The following SRGAP2C variants were observed in gnomAD, a reference collection of about 807,000 sequenced individuals.
The protein encoded by SRGAP2C is SLIT-ROBO Rho GTPase activating protein 2C.
In SRGAP2C, 15 loss-of-function variants were observed where a neutral mutation model predicts 25.1. The observed-to-expected ratio is 0.60, with a 90% CI of 0.40 to 0.92. The LOEUF (loss-of-function observed/expected upper bound fraction) is 0.92. SRGAP2C is among the 40% of genes least tolerant of loss of function. The pLI is 0.00. For missense variants in SRGAP2C, 144 were observed against 264.4 expected, an observed-to-expected ratio of 0.54 and a Z score of 3.16; for synonymous variants, 44 against 96.6, an observed-to-expected ratio of 0.46 and a Z score of 3.19.
At chr1:121,355,305 C>CTTT (rs1203362201) in intron 4 of SRGAP2C, among the ~76,000 whole-genome samples, 4 of 37,314 alleles carry the variant, frequency 1.1e-4, no homozygotes, top group Non-Finnish European at 1.8e-4. Flanking sequence ...GATACACATT[C>CTTT]TTTTTTTTTT....
At chr1:121,192,110 A>G (rs1654701905) in intron 2 of SRGAP2C, among the ~76,000 whole-genome samples, 1 of 151,860 alleles carries the variant, frequency 6.6e-6, no homozygotes, top group Non-Finnish European at 1.5e-5. Context: ...GGGAATGTTG[A>G]TGGCTGGTAT....
intron 2 of SRGAP2C, among the ~76,000 whole-genome samples, chr1:121,225,586 T>C (rs1354611312): frequency 9.0e-6 from 1 of 110,626 alleles, no homozygotes; most frequent in Non-Finnish European, 1.8e-5. Flanking sequence ...GGATCTCTTT[T>C]GTCACTGCCA....
At chr1:121,287,549 A>T (rs1171357091) in intron 3 of SRGAP2C, among the ~76,000 whole-genome samples, 1 of 151,696 alleles carries the variant, frequency 6.6e-6, no homozygotes, top group African/African-American at 2.4e-5. Flanking sequence ...AATTTAAAAT[A>T]GCATTTGATT....
chr1:121,271,357 A>G (rs1372982618), intron 2 of SRGAP2C, among the ~76,000 whole-genome samples: 7 of 147,604 alleles, frequency 4.7e-5, no homozygotes, highest in Non-Finnish European at 1.1e-4. Context: ...GGCAACAGTA[A>G]CATGAGTTGC....
At chr1:121,261,015 A>C in intron 2 of SRGAP2C, among the ~76,000 whole-genome samples, 1 of 93,960 alleles carries the variant, frequency 1.1e-5, no homozygotes, top group Non-Finnish European at 2.1e-5. Context: ...TGCAGCCTTG[A>C]CCTCCTGGGC....
chr1:121,356,835 AG>A (rs1236571952), intron 4 of SRGAP2C, among the ~76,000 whole-genome samples: 2 of 151,578 alleles, frequency 1.3e-5, no homozygotes, highest in Non-Finnish European at 2.9e-5. Flanking sequence ...GTCTGTTTTA[AG>A]GGATGTTGTT....
intron 5 of SRGAP2C, among the ~76,000 whole-genome samples, chr1:121,369,494 T>C (rs1212544593): frequency 6.6e-6 from 1 of 151,960 alleles, no homozygotes; most frequent in African/African-American, 2.4e-5. Flanking sequence ...TATGCTTCTG[T>C]ACTCCCCCTA....
At position 121,221,420 on chromosome 1, in the gene SRGAP2C, A is replaced by G. The variant is rs1342779011; in HGVS notation, c.67+33907A>G. Among the ~76,000 whole-genome samples, 2 of 77,266 alleles carry G rather than the reference A, an allele frequency of 2.6e-5. 1 individual carries two copies. The highest frequency in any genetic ancestry group is 5.0e-5 in the Non-Finnish European group (2 of 40,076). The allele number at this position is 77,266 out of a possible 152,430, so 50.7% of individuals were successfully genotyped here. ...GATTACTTTATGTTCCTTAAAAAGA[A>G]AGACATTGGGCCAGGCACGGTGGCT... On this transcript the variant is annotated intron_variant, in intron 2 of 9. Coordinates refer to ENST00000367123, the MANE Select transcript of SRGAP2C (RefSeq NM_001329984.2).
chr1:121,270,854 G>T (rs1198327150), intron 2 of SRGAP2C, among the ~76,000 whole-genome samples: 14 of 149,648 alleles, frequency 9.4e-5, no homozygotes, highest in African/African-American at 3.4e-4. Context: ...GTGCAGTGGT[G>T]CCATCTCAGC....
chr1:121,219,316 C>T (rs1434775143), intron 2 of SRGAP2C, among the ~76,000 whole-genome samples: 3 of 113,916 alleles, frequency 2.6e-5, no homozygotes, highest in Middle Eastern at 7.5e-3. Context: ...AAGTATCACC[C>T]GTATGTTTCT....
At chr1:121,300,052 T>C (rs1390966276) in intron 3 of SRGAP2C, among the ~76,000 whole-genome samples, 1 of 136,952 alleles carries the variant, frequency 7.3e-6, no homozygotes, top group Non-Finnish European at 1.6e-5. Context: ...ATACATTGAC[T>C]GGATTTGTCA....
rs1659697812 is a variant in SRGAP2C, at chr1:121,377,445, T to TA, written c.831+2491_831+2492insA. Among the ~76,000 whole-genome samples the TA allele has an allele frequency of 3.4e-5, 2 of 58,664 alleles. 1 individual carries two copies. The highest frequency in any genetic ancestry group is 1.3e-3 in the East Asian group (2 of 1,568). The allele number at this position is 58,664 out of a possible 152,430, so 38.5% of individuals were successfully genotyped here. On this transcript the variant is annotated intron_variant, in intron 7 of 9. Transcript: ENST00000367123. The stretch of plus-strand genomic sequence containing the variant: ...CACCACGCCCAGCTAATTTTTTGTA[T>TA]TTTTTTAGTAGAGACGGGTTTTCAC...
chr1:121,334,433 T>G (rs1193689025), intron 4 of SRGAP2C, among the ~76,000 whole-genome samples: 2 of 150,142 alleles, frequency 1.3e-5, no homozygotes, highest in African/African-American at 4.9e-5. Flanking sequence ...TATTATTGCT[T>G]ACTTGTATGT....
chr1:121,294,804 TC>T (rs1657563095), intron 3 of SRGAP2C, among the ~76,000 whole-genome samples: 2 of 143,288 alleles, frequency 1.4e-5, no homozygotes, highest in Non-Finnish European at 3.0e-5. Context: ...TTTCACCGTT[TC>T]TCCCAGCTTC....
In SRGAP2C at chr1:121,378,443, C is replaced by T. The variant is rs587747159; in HGVS notation, c.831+3489C>T. On this transcript the variant is annotated intron_variant, in intron 7 of 9. Coordinates refer to ENST00000367123, the MANE Select transcript of SRGAP2C (RefSeq NM_001329984.2). The stretch of plus-strand genomic sequence containing the variant: ...TTTCTTTCACCATAAATTAGTTTTG[C>T]CCATTGTAGAACTTCACAAAGATGG... Among the ~76,000 whole-genome samples, 750 of 149,756 alleles carry T rather than the reference C, an allele frequency of 5.0e-3. 11 individuals carry two copies. Among genetic ancestry groups the T allele is most frequent in the African/African-American group, 0.017 (695 of 40,364 alleles).
At chr1:121,213,396 CT>C (rs1287270209) in intron 2 of SRGAP2C, among the ~76,000 whole-genome samples, 1 of 138,194 alleles carries the variant, frequency 7.2e-6, no homozygotes, top group Non-Finnish European at 1.5e-5. Flanking sequence ...ATCACAATCC[CT>C]TTTAGTTAAG....
intron 2 of SRGAP2C, among the ~76,000 whole-genome samples, chr1:121,266,267 G>A (rs1553334275): frequency 6.7e-6 from 1 of 149,916 alleles, no homozygotes; most frequent in Non-Finnish European, 1.5e-5. Flanking sequence ...GAGCCACCAT[G>A]CCCAGCCAAC....
chr1:121,377,034 A>G (rs1169185243), intron 7 of SRGAP2C, among the ~76,000 whole-genome samples: 4 of 150,764 alleles, frequency 2.7e-5, no homozygotes, highest in African/African-American at 9.8e-5. Flanking sequence ...CAATCCATAG[A>G]TTCTCCATCA....
chr1:121,348,734 T>C (rs1183725771), intron 4 of SRGAP2C, among the ~76,000 whole-genome samples: 1 of 147,268 alleles, frequency 6.8e-6, no homozygotes, highest in Admixed American at 6.9e-5. Context: ...AAGGAGTTTA[T>C]GAGTTCAATT....
Sources: allele counts gnomAD v4.1 joint callset (sites outside exome capture counted in the v4.1 genomes callset), GRCh38; gene constraint gnomAD v4.1.1; transcripts MANE v1.5; gene names NCBI Gene and HGNC (gene_info 2026-07-23, HGNC 2026-07-21).